Variants in TBC1D5 observed in about 807,000 individuals in gnomAD.
TBC1D5 encodes the protein TBC1 domain family member 5, also known as TBC1 domain family, member 5.
In TBC1D5, 75 loss-of-function variants were observed where a neutral mutation model predicts 100.3. That is an observed-to-expected ratio of 0.75 (90% CI 0.62 to 0.91). TBC1D5 has a LOEUF of 0.91. TBC1D5 is among the 40% of genes least tolerant of loss of function. The pLI, the probability that TBC1D5 is intolerant of heterozygous loss-of-function variation, is 0.00. For synonymous variants in TBC1D5, 323 were observed against 325.6 expected (o/e 0.99, Z 0.09); for missense variants, 910 against 942.4 (o/e 0.97, Z 0.45).
chr3:17,673,513 G>A (rs954250335), intron 1 of TBC1D5, among the ~76,000 whole-genome samples: 14 of 150,024 alleles, frequency 9.3e-5, no homozygotes, highest in African/African-American at 3.2e-4. Context: ...TGAGGGTTTC[G>A]CCGTATTGCC....
intron 1 of TBC1D5, among the ~76,000 whole-genome samples, chr3:17,715,030 A>T (rs1382918675): frequency 6.6e-6 from 1 of 152,220 alleles, no homozygotes; most frequent in African/African-American, 2.4e-5. Flanking sequence ...AATAACACTT[A>T]CCTCTTATGT....
At chr3:17,189,369 T>C (rs80134103) in intron 18 of TBC1D5, among the ~76,000 whole-genome samples, 1 of 152,084 alleles carries the variant, frequency 6.6e-6, no homozygotes, top group Non-Finnish European at 1.5e-5. Context: ...GATAGCAAAC[T>C]AATGTACAAG....
chr3:17,707,719 C>T (rs562355885), intron 1 of TBC1D5, among the ~76,000 whole-genome samples: 1 of 152,134 alleles, frequency 6.6e-6, no homozygotes, highest in Non-Finnish European at 1.5e-5. Context: ...CACAGTTATA[C>T]ACATAAACTA....
In TBC1D5 at chr3:17,630,879, C is replaced by CAA. The variant is rs35001269; in HGVS notation, c.-100-6968_-100-6967dup. On this transcript the variant is annotated intron_variant, in intron 1 of 21. Transcript: ENST00000253692. ...TGAAACCCCGTCTCTACTAAAAATA[C>CAA]AAAAAAAAAAAAAAAATAGCCGGGT... Among the ~76,000 whole-genome samples the CAA allele has an allele frequency of 0.021, 2,721 of 126,832 alleles. 200 individuals are homozygous for CAA. In the East Asian group the frequency reaches 0.27, roughly 13 times the overall value. 83.2% of individuals were successfully genotyped at this position (126,832 alleles called of 152,430 possible).
At chr3:17,401,042 C>T (rs1331275591) in intron 8 of TBC1D5, among the ~76,000 whole-genome samples, 2 of 152,026 alleles carry the variant, frequency 1.3e-5, no homozygotes, top group Non-Finnish European at 2.9e-5. Flanking sequence ...CCTTAATAAA[C>T]TCCCCTTTAT....
chr3:17,692,938 T>G (rs1176874843), intron 1 of TBC1D5, among the ~76,000 whole-genome samples: 2 of 152,256 alleles, frequency 1.3e-5, no homozygotes, highest in Non-Finnish European at 2.9e-5. Flanking sequence ...AAGACCAGCC[T>G]GGGCAACATG....
chr3:17,578,707 C>T (rs928997715), intron 2 of TBC1D5, among the ~76,000 whole-genome samples: 3 of 151,942 alleles, frequency 2.0e-5, no homozygotes, highest in African/African-American at 2.4e-5. Flanking sequence ...AAAATACATG[C>T]TCATCAGGTA....
chr3:17,737,542 G>T (rs943484208), intron 1 of TBC1D5, among the ~76,000 whole-genome samples: 4 of 152,076 alleles, frequency 2.6e-5, no homozygotes, highest in African/African-American at 9.7e-5. Flanking sequence ...ATGGGGGGAG[G>T]TGGCTCTTTT....
At chr3:17,174,021 T>C (rs1258875937) in intron 19 of TBC1D5, among the ~76,000 whole-genome samples, 1 of 152,180 alleles carries the variant, frequency 6.6e-6, no homozygotes, top group Non-Finnish European at 1.5e-5. Flanking sequence ...ATGGTGTGTA[T>C]CTCTGTGTGT....
At chr3:17,452,761 CAAAG>C (rs1342250961) in intron 3 of TBC1D5, among the ~76,000 whole-genome samples, 5 of 151,868 alleles carry the variant, frequency 3.3e-5, no homozygotes, top group Admixed American at 2.0e-4. Context: ...ATCTCCCAGA[CAAAG>C]AAATCAAAAA....
intron 1 of TBC1D5, among the ~76,000 whole-genome samples, chr3:17,690,201 CA>C (rs2070923640): frequency 4.0e-5 from 3 of 75,720 alleles, no homozygotes; most frequent in African/African-American, 1.3e-4. Context: ...TAAAAATAGC[CA>C]TATTTTTTTT....
intron 19 of TBC1D5, among the ~76,000 whole-genome samples, chr3:17,182,768 T>C (rs1268608119): frequency 6.6e-6 from 1 of 152,224 alleles, no homozygotes; most frequent in Admixed American, 6.5e-5. Context: ...TTCTTTTTGG[T>C]GTATTTTAAA....
chr3:17,357,789 G>A (rs13318886), intron 13 of TBC1D5, among the ~76,000 whole-genome samples: 3 of 152,024 alleles, frequency 2.0e-5, no homozygotes, highest in Non-Finnish European at 2.9e-5. Context: ...TTTCTGTTGC[G>A]TTCCATTGAA....
At chr3:17,368,783 A>G (rs1441103947) in intron 13 of TBC1D5, among the ~76,000 whole-genome samples, 1 of 152,040 alleles carries the variant, frequency 6.6e-6, no homozygotes, top group Non-Finnish European at 1.5e-5. Flanking sequence ...TTAAAATTCT[A>G]TAAAATATCT....
At chr3:17,588,205 A>G (rs2096744283) in intron 2 of TBC1D5, among the ~76,000 whole-genome samples, 1 of 151,784 alleles carries the variant, frequency 6.6e-6, no homozygotes, top group South Asian at 2.1e-4. Context: ...GACAGGATAT[A>G]GCCAATAAAA....
chr3:17,649,857 G>A (rs1302920916), intron 1 of TBC1D5, among the ~76,000 whole-genome samples: 4 of 151,990 alleles, frequency 2.6e-5, no homozygotes, highest in African/African-American at 2.4e-5. Context: ...TGTTTACTGC[G>A]GCACTATTCA....
chr3:17,281,600 A>G (rs769764796), intron 15 of TBC1D5, among the ~76,000 whole-genome samples: 2 of 152,250 alleles, frequency 1.3e-5, no homozygotes, highest in African/African-American at 2.4e-5. Flanking sequence ...CCAATATGGT[A>G]ATCATATGTG....
intron 13 of TBC1D5, among the ~76,000 whole-genome samples, chr3:17,361,245 G>C (rs1456598697): frequency 6.6e-6 from 1 of 151,556 alleles, no homozygotes; most frequent in African/African-American, 2.4e-5. Flanking sequence ...TTTTTCAACT[G>C]TGCCATTTGC....
intron 19 of TBC1D5, among the ~76,000 whole-genome samples, chr3:17,177,391 T>G (rs535635372): frequency 1.3e-5 from 2 of 152,274 alleles, no homozygotes; most frequent in East Asian, 3.9e-4. Flanking sequence ...CAACTTCAAC[T>G]AGAACAAGGT....
Sources: allele counts gnomAD v4.1 joint callset (sites outside exome capture counted in the v4.1 genomes callset), GRCh38; gene constraint gnomAD v4.1.1; transcripts MANE v1.5; gene names NCBI Gene and HGNC (gene_info 2026-07-23, HGNC 2026-07-21).